Variants in CTBP2 observed in about 807,000 individuals in gnomAD.
The protein encoded by CTBP2 is C-terminal-binding protein 2.
In CTBP2, 30 loss-of-function variants were observed where a neutral mutation model predicts 80.3. That is an observed-to-expected ratio of 0.37 (90% CI 0.28 to 0.51). The LOEUF (loss-of-function observed/expected upper bound fraction) is 0.51, where lower values mean the gene tolerates loss of function less well. CTBP2 is among the 20% of genes least tolerant of loss of function. The probability of loss-of-function intolerance (pLI) is 0.93; values close to 1 mark genes in which losing one functional copy is unlikely to be tolerated. For synonymous variants in CTBP2, 594 were observed against 587.4 expected (o/e 1.01, Z -0.16); for missense variants, 1,212 against 1,375.3 (o/e 0.88, Z 1.88).
Position 125,027,217 on chromosome 10 carries a change from G to A in CTBP2, c.543C>T (p.Ser181=), listed in dbSNP as rs1650063352. 6.2e-7 allele frequency: 1 copy of A among 1,613,130 alleles called. No homozygotes were observed. The highest frequency in any genetic ancestry group is 1.3e-5 in the African/African-American group (1 of 75,064). ...CATACCGCCCGGGAGATGCAGCCCTGCTCTGTGTCTGCCGCCCCTGAGGGA... is the reference window on the plus strand; with the variant it reads ...CATACCGCCCGGGAGATGCAGCCCTACTCTGTGTCTGCCGCCCCTGAGGGA... The change falls in exon 1 of 9, where the codon AGC becomes AGT. Residue 181 remains serine (S), a synonymous_variant. Transcript: ENST00000309035.
intron 3 of CTBP2, among the ~76,000 whole-genome samples, chr10:125,037,343 T>A (rs552082915): frequency 6.6e-6 from 1 of 152,190 alleles, no homozygotes; most frequent in African/African-American, 2.4e-5. Flanking sequence ...CCCTGGAGAA[T>A]CCTGGGTGCA....
At chr10:125,088,653 GTC>G (rs1284008704) in intron 2 of CTBP2, among the ~76,000 whole-genome samples, 4 of 152,172 alleles carry the variant, frequency 2.6e-5, no homozygotes, top group Admixed American at 1.3e-4. Context: ...ACCTGAAAAT[GTC>G]TCTCTCCTGG....
chr10:125,013,423 G>GC (rs1188336493), intron 1 of CTBP2, among the ~76,000 whole-genome samples: 1 of 152,220 alleles, frequency 6.6e-6, no homozygotes, highest in African/African-American at 2.4e-5. Flanking sequence ...GGGCACCGCT[G>GC]CCGTCAGCCT....
At chr10:125,058,662 C>T (rs1184367928) in intron 2 of CTBP2, among the ~76,000 whole-genome samples, 9 of 151,958 alleles carry the variant, frequency 5.9e-5, no homozygotes, top group Non-Finnish European at 1.2e-4. Context: ...TGTGGTGGCG[C>T]GGTGGGCAGA....
intron 8 of CTBP2, among the ~76,000 whole-genome samples, chr10:124,990,311 G>C (rs1952434739): frequency 6.6e-6 from 1 of 152,126 alleles, no homozygotes; most frequent in Admixed American, 6.5e-5. Flanking sequence ...CCAAAGTGCT[G>C]GGATTACAGG....
In CTBP2 at chr10:125,110,471, C is replaced by T. The variant is rs543644032; in HGVS notation, c.-102+519G>A. Among the ~76,000 whole-genome samples the T allele has an allele frequency of 1.7e-4, 26 of 152,194 alleles. No homozygotes were observed. The East Asian group carries it at 1.9e-3, about 11-fold the overall frequency. Reference sequence around the variant, plus strand: ...CTGCACCCACATTCCCAATCTACTCCGCCAGAAAAATCATGGTATGTTCAA... The same window carrying T: ...CTGCACCCACATTCCCAATCTACTCTGCCAGAAAAATCATGGTATGTTCAA... On this transcript the variant is annotated intron_variant, in intron 2 of 10. Coordinates refer to the CTBP2 transcript ENST00000337195.
At chr10:125,118,681 A>G (rs1324272846) in intron 1 of CTBP2, among the ~76,000 whole-genome samples, 1 of 122,996 alleles carries the variant, frequency 8.1e-6, no homozygotes, top group Non-Finnish European at 1.6e-5. Flanking sequence ...CCAGGAAATC[A>G]CCTGAACTTG....
In CTBP2 at chr10:125,026,220, T is replaced by G; in HGVS notation, c.1540A>C (p.Lys514Gln). 6.2e-7 allele frequency: 1 copy of G among 1,613,554 alleles called. No individual in the cohort carries two copies. ...GATGGCCCCAGGGGTGCACCTGGCTTCCGCAAGACCTGGGGGCTGCCGTGA... is the reference window on the plus strand; with the variant it reads ...GATGGCCCCAGGGGTGCACCTGGCTGCCGCAAGACCTGGGGGCTGCCGTGA... Residue 514 changes from lysine (K) to glutamine (Q), a missense_variant, in exon 1 of 9, where the codon AAG becomes CAG. Coordinates refer to ENST00000309035, the MANE Select transcript of CTBP2 (RefSeq NM_022802.3).
chr10:125,086,832 T>C (rs915057281), intron 2 of CTBP2, among the ~76,000 whole-genome samples: 9 of 152,072 alleles, frequency 5.9e-5, no homozygotes, highest in African/African-American at 2.2e-4. Flanking sequence ...TAAGACAACA[T>C]GCTCTCCACT....
intron 1 of CTBP2, among the ~76,000 whole-genome samples, chr10:125,012,960 A>C (rs1431236436): frequency 6.6e-6 from 1 of 152,178 alleles, no homozygotes; most frequent in Non-Finnish European, 1.5e-5. Flanking sequence ...AGTCGTCAAA[A>C]CCAGGACTGG....
intron 6 of CTBP2, 88 bp downstream of exon 8, chr10:124,993,767 G>C: frequency 6.8e-7 from 1 of 1,476,292 alleles, no homozygotes; most frequent in East Asian, 2.3e-5. Context: ...GGACCTGTTT[G>C]GGAAAAGGGC....
chr10:125,095,714 C>G (rs1288789885), intron 2 of CTBP2, among the ~76,000 whole-genome samples: 5 of 152,212 alleles, frequency 3.3e-5, no homozygotes, highest in Non-Finnish European at 5.9e-5. Flanking sequence ...GACCTCAAAA[C>G]TAGGTGTGTA....
chr10:125,110,782 G>C (rs1010230592), intron 2 of CTBP2, among the ~76,000 whole-genome samples: 5 of 152,154 alleles, frequency 3.3e-5, no homozygotes, highest in African/African-American at 1.2e-4. Context: ...TATTGCTTCA[G>C]AGTTAATTAC....
chr10:125,008,455 G>A (rs571303296), intron 1 of CTBP2, among the ~76,000 whole-genome samples: 2 of 152,372 alleles, frequency 1.3e-5, no homozygotes, highest in East Asian at 3.9e-4. Context: ...TCACATTCAT[G>A]AGAAGAACCG....
intron 2 of CTBP2, among the ~76,000 whole-genome samples, chr10:125,046,764 C>G (rs1439446366): frequency 6.6e-6 from 1 of 152,318 alleles, no homozygotes; most frequent in African/African-American, 2.4e-5. Context: ...CACTATGAGG[C>G]TCTGGGCTGC....
In CTBP2 at chr10:125,048,548, G is replaced by A. The variant is rs904127901; in HGVS notation, c.-101-9393C>T. 1.1e-4 allele frequency among the ~76,000 whole-genome samples: 16 copies of A among 152,170 alleles called. No homozygotes were observed. The South Asian group carries it at 1.7e-3, about 16-fold the overall frequency. On this transcript the variant is annotated intron_variant, in intron 2 of 10. Transcript: ENST00000337195. The stretch of plus-strand genomic sequence containing the variant: ...CGCCTACTTGTTTATCTCCCGAGAC[G>A]CTAGCTGGGGGTCCCACTTTCACAG...
At chr10:125,132,917 A>G (rs1856413755) in intron 1 of CTBP2, among the ~76,000 whole-genome samples, 1 of 152,238 alleles carries the variant, frequency 6.6e-6, no homozygotes, top group African/African-American at 2.4e-5. Flanking sequence ...TTTTAACAGT[A>G]TGGCAAAATG....
At chr10:125,095,827 T>C (rs953271757) in intron 2 of CTBP2, among the ~76,000 whole-genome samples, 1 of 152,208 alleles carries the variant, frequency 6.6e-6, no homozygotes, top group Non-Finnish European at 1.5e-5. Flanking sequence ...ACAAAAGCTC[T>C]GTGGTGACTC....
intron 1 of CTBP2, among the ~76,000 whole-genome samples, chr10:125,024,906 A>C (rs1957390971): frequency 6.6e-6 from 1 of 152,264 alleles, no homozygotes; most frequent in Non-Finnish European, 1.5e-5. Context: ...ACGACAAAGC[A>C]GAAAATCAGG....
Sources: allele counts gnomAD v4.1 joint callset (sites outside exome capture counted in the v4.1 genomes callset), GRCh38; gene constraint gnomAD v4.1.1; transcripts MANE v1.5; gene names NCBI Gene and HGNC (gene_info 2026-07-23, HGNC 2026-07-21).